FRMD6: variants seen among roughly 807,000 people sequenced by gnomAD.
FRMD6 encodes the protein FERM domain containing 6, also known as FERM domain-containing protein 6.
In FRMD6, 37 loss-of-function variants were observed where a neutral mutation model predicts 73.2. The ratio of observed to expected loss-of-function variants is 0.51; its 90% CI spans 0.39 to 0.66. FRMD6 has a LOEUF of 0.66. FRMD6 is among the 30% of genes least tolerant of loss of function. FRMD6 has a pLI of 0.00. For missense variants in FRMD6, 714 were observed against 780.5 expected (o/e 0.91, Z 1.02); for synonymous variants, 273 against 282.2 (o/e 0.97, Z 0.33).
intron 2 of FRMD6, among the ~76,000 whole-genome samples, chr14:51,618,480 C>A (rs1366983619): frequency 6.6e-6 from 1 of 152,112 alleles, no homozygotes; most frequent in Non-Finnish European, 1.5e-5. Context: ...AGGAGCGAGA[C>A]CTGTTGCGAG....
At chr14:51,671,266 A>T (rs912700826) in intron 1 of FRMD6, among the ~76,000 whole-genome samples, 1 of 148,954 alleles carries the variant, frequency 6.7e-6, no homozygotes, top group Admixed American at 6.6e-5. Flanking sequence ...AAGAGTTGGG[A>T]AATATTCCCC....
chr14:51,634,184 A>G (rs1446413862), intron 2 of FRMD6, among the ~76,000 whole-genome samples: 1 of 152,214 alleles, frequency 6.6e-6, no homozygotes, highest in African/African-American at 2.4e-5. Context: ...CTTGTCTGTT[A>G]TCACCTAAAA....
chr14:51,721,826 GTCTCATTAGCAAATTTA>G lies in FRMD6; in HGVS notation c.1361-121_1361-105del, dbSNP rs1448251056. ...ATGGTCCCTGGAGTTTCCTATTGGA[GTCTCATTAGCAAATTTA>G]TTTTCAAATAGGAATAATTACATAG... On this transcript the variant is annotated intron_variant, in intron 11 of 13. Transcript: ENST00000344768. The G allele has an allele frequency of 6.2e-5, 66 of 1,069,318 alleles. No individual in the cohort carries two copies. The Middle Eastern group carries it at 1.6e-3, about 26-fold the overall frequency. The allele number at this position is 1,069,318 out of a possible 1,614,324, so 66.2% of individuals were successfully genotyped here.
chr14:51,708,258 A>G, intron 7 of FRMD6, 25 bp downstream of exon 7: 1 of 1,603,664 alleles, frequency 6.2e-7, no homozygotes, highest in Non-Finnish European at 8.5e-7. Context: ...CTAAGTCTTC[A>G]GCTTCTGAGA....
chr14:51,481,732 A>G, the FRMD6 span, among the ~76,000 whole-genome samples: 1 of 152,240 alleles, frequency 6.6e-6, no homozygotes, highest in South Asian at 2.1e-4. Context: ...TTGTTGGAAC[A>G]TCATGTGTGG....
At chr14:51,426,738 G>A in the FRMD6 span, among the ~76,000 whole-genome samples, 1 of 152,156 alleles carries the variant, frequency 6.6e-6, no homozygotes, top group East Asian at 1.9e-4. Flanking sequence ...CTCAGAGAGG[G>A]CTCACCTAGT....
chr14:51,412,634 G>A, the FRMD6 span, among the ~76,000 whole-genome samples: 2 of 151,986 alleles, frequency 1.3e-5, no homozygotes, highest in Non-Finnish European at 1.5e-5. Flanking sequence ...GGTGGATCAC[G>A]AGGTCAGGAG....
intron 2 of FRMD6, among the ~76,000 whole-genome samples, chr14:51,626,693 TG>T (rs1388834849): frequency 6.6e-6 from 1 of 152,166 alleles, no homozygotes; most frequent in African/African-American, 2.4e-5. Context: ...TTGAGGACAC[TG>T]GGTTTGGAGT....
Position 51,597,525 on chromosome 14 carries a change from A to G in FRMD6, c.-147+27115A>G, listed in dbSNP as rs574074237. On this transcript the variant is annotated intron_variant, in intron 2 of 14. Transcript: ENST00000356218. Reference sequence around the variant, plus strand: ...TAGAGCCTACAGCACGTTTGGCTGGAATGCAGAATGTGTAACGAGGAAAGG... The same window carrying G: ...TAGAGCCTACAGCACGTTTGGCTGGGATGCAGAATGTGTAACGAGGAAAGG... Among the ~76,000 whole-genome samples the G allele has an allele frequency of 5.9e-5, 9 of 152,306 alleles. No individual in the cohort carries two copies. The East Asian group carries it at 1.7e-3, about 29-fold the overall frequency.
chr14:51,696,510 C>A (rs964355773), intron 2 of FRMD6, among the ~76,000 whole-genome samples: 3 of 151,584 alleles, frequency 2.0e-5, no homozygotes, highest in Non-Finnish European at 4.4e-5. Context: ...TAACTTATTG[C>A]CAGAGTTCCA....
At chr14:51,489,797 A>G (rs1882888314) in intron 1 of FRMD6, among the ~76,000 whole-genome samples, 2 of 152,206 alleles carry the variant, frequency 1.3e-5, no homozygotes, top group South Asian at 4.1e-4. Flanking sequence ...ACACTCTCAA[A>G]AACACAGATG....
intron 1 of FRMD6, among the ~76,000 whole-genome samples, chr14:51,497,135 T>A (rs892044460): frequency 1.3e-5 from 2 of 152,172 alleles, no homozygotes; most frequent in Non-Finnish European, 2.9e-5. Context: ...GGCACATATT[T>A]TCAGATTCCT....
chr14:51,728,129 C>A lies in FRMD6; in HGVS notation c.*100C>A. On this transcript the variant is annotated 3_prime_UTR_variant, in exon 14 of 14. Coordinates refer to ENST00000344768, the MANE Select transcript of FRMD6 (RefSeq NM_001267046.2). ...TTACTTGTGCCATATCTTCTTCACC[C>A]TAAACATAGCTCTTTCTTTATAATA... 2.0e-6 allele frequency: 2 copies of A among 1,025,268 alleles called. No homozygotes were observed. Among genetic ancestry groups the A allele is most frequent in the Non-Finnish European group, 2.8e-6 (2 of 712,424 alleles). 63.5% of individuals were successfully genotyped at this position (1,025,268 alleles called of 1,614,324 possible).
chr14:51,585,939 G>GTGTGTGTGTGTGTATATATATATATATA lies in FRMD6; in HGVS notation c.-147+15530_-147+15531insGTGTGTGTGTGTATATATATATATATAT. On this transcript the variant is annotated intron_variant, in intron 2 of 14. Coordinates refer to the FRMD6 transcript ENST00000356218. ...TGCCATGGCATGTGTGTGTGTGTGT[G>GTGTGTGTGTGTGTATATATATATATATA]TATATATATATATATATATATAACA... Among the ~76,000 whole-genome samples, 82 of 31,356 alleles carry GTGTGTGTGTGTGTATATATATATATATA rather than the reference G, an allele frequency of 2.6e-3. 1 individual carries two copies. The highest frequency in any genetic ancestry group is 5.4e-3 in the African/African-American group (79 of 14,580). The allele number at this position is 31,356 out of a possible 152,430, so 20.6% of individuals were successfully genotyped here.
At chr14:51,494,728 C>G (rs1454147199) in intron 1 of FRMD6, among the ~76,000 whole-genome samples, 1 of 152,146 alleles carries the variant, frequency 6.6e-6, no homozygotes, top group East Asian at 1.9e-4. Flanking sequence ...CTATGATAAC[C>G]CTGTGCTTGA....
chr14:51,621,597 A>G, intron 2 of FRMD6, among the ~76,000 whole-genome samples: 1 of 152,228 alleles, frequency 6.6e-6, no homozygotes, highest in East Asian at 1.9e-4. Context: ...TTACTGGATT[A>G]GATGGTATTG....
intron 3 of FRMD6, among the ~76,000 whole-genome samples, chr14:51,699,371 A>C (rs1160546701): frequency 6.6e-6 from 1 of 152,096 alleles, no homozygotes; most frequent in Non-Finnish European, 1.5e-5. Context: ...TATAGATTCT[A>C]AGTAACTTTT....
chr14:51,550,080 T>C lies in FRMD6; in HGVS notation c.-209-20268T>C, dbSNP rs150398290. Among the ~76,000 whole-genome samples the C allele has an allele frequency of 5.3e-5, 8 of 152,324 alleles. No homozygotes were observed. The East Asian group carries it at 1.3e-3, about 26-fold the overall frequency. On this transcript the variant is annotated intron_variant, in intron 1 of 14. Transcript: ENST00000356218. Reference sequence around the variant, plus strand: ...CTTCTGCAAATAATGGGGATCCCTTTCTTTCTAAGATCCCGGTAATGCTGC... The same window carrying C: ...CTTCTGCAAATAATGGGGATCCCTTCCTTTCTAAGATCCCGGTAATGCTGC...
At chr14:51,513,984 A>G (rs1884472891) in intron 1 of FRMD6, among the ~76,000 whole-genome samples, 1 of 152,254 alleles carries the variant, frequency 6.6e-6, no homozygotes, top group Non-Finnish European at 1.5e-5. Flanking sequence ...ATTTGTGAAC[A>G]TGAGAAGAAT....
Sources: allele counts gnomAD v4.1 joint callset (sites outside exome capture counted in the v4.1 genomes callset), GRCh38; gene constraint gnomAD v4.1.1; transcripts MANE v1.5; gene names NCBI Gene and HGNC (gene_info 2026-07-23, HGNC 2026-07-21).